Variants in NHSL2 observed in about 807,000 individuals in gnomAD.
NHSL2 encodes the protein NHS-like protein 2.
A neutral mutation model predicts 53.4 loss-of-function variants in NHSL2; 27 were observed. The ratio of observed to expected loss-of-function variants is 0.51; its 90% confidence interval spans 0.37 to 0.70. NHSL2 has a LOEUF of 0.70. NHSL2 is among the 30% of genes least tolerant of loss of function. The pLI is 0.00. For missense variants in NHSL2, 892 were observed against 980.1 expected, an observed-to-expected ratio of 0.91 and a Z score of 1.20; for synonymous variants, 408 against 404.1, an observed-to-expected ratio of 1.01 and a Z score of -0.12.
At position 72,115,565 on chromosome X, in the gene NHSL2, C is replaced by T. The variant is rs779633901; in HGVS notation, c.281-16514C>T. Among the ~76,000 whole-genome samples, 13 of 110,981 alleles carry T rather than the reference C, an allele frequency of 1.2e-4. No homozygotes were observed. In the South Asian group the frequency reaches 1.5e-3, roughly 13 times the overall value. On this transcript the variant is annotated intron_variant, in intron 1 of 7. Transcript: ENST00000633930. ...GACAGCACAGGCATTAATTCAGCAGCGGCCAGGGCAGCCTGACAGCCAGGA... is the reference window on the plus strand; with the variant it reads ...GACAGCACAGGCATTAATTCAGCAGTGGCCAGGGCAGCCTGACAGCCAGGA...
chrX:72,097,363 C>T (rs2041951738), intron 1 of NHSL2, among the ~76,000 whole-genome samples: 1 of 112,081 alleles, frequency 8.9e-6, no homozygotes, highest in Non-Finnish European at 1.9e-5. Context: ...AGGACCATGG[C>T]TGTCTCCTGA....
chrX:72,078,863 A>G (rs767887050), intron 1 of NHSL2, among the ~76,000 whole-genome samples: 8 of 112,421 alleles, frequency 7.1e-5, no homozygotes, highest in African/African-American at 2.3e-4. Context: ...GGGTCTCCAG[A>G]GACCCATGCA....
chrX:72,131,557 G>GC (rs765698555), intron 1 of NHSL2: 2 of 1,150,698 alleles, frequency 1.7e-6, no homozygotes, highest in South Asian at 4.1e-5. Context: ...AAGCCCAGGG[G>GC]CCCTGGGGCT....
chrX:72,138,173 G>A (rs895979068), intron 5 of NHSL2, among the ~76,000 whole-genome samples: 5 of 111,650 alleles, frequency 4.5e-5, no homozygotes, highest in African/African-American at 9.8e-5. Context: ...GTAATCCCAC[G>A]TGACACTTCA....
chrX:72,059,541 G>A lies in NHSL2; in HGVS notation c.281-72538G>A, dbSNP rs1054256086. Among the ~76,000 whole-genome samples the A allele has an allele frequency of 6.3e-5, 7 of 111,865 alleles. No homozygotes were observed. The South Asian group carries it at 1.5e-3, about 24-fold the overall frequency. On this transcript the variant is annotated intron_variant, in intron 1 of 7. Coordinates refer to ENST00000633930, the MANE Select transcript of NHSL2 (RefSeq NM_001013627.3). ...ATACCTTTATGCTGTTGCTCAAAAC[G>A]TCCTCTTTGCCTAGAATGTCCTCTC...
chrX:72,072,433 A>G (rs2041708475), intron 1 of NHSL2, among the ~76,000 whole-genome samples: 1 of 112,035 alleles, frequency 8.9e-6, no homozygotes, highest in African/African-American at 3.2e-5. Context: ...CACAACTTAG[A>G]GATCTTTCAT....
At chrX:72,005,363 G>A (rs942245761) in intron 1 of NHSL2, among the ~76,000 whole-genome samples, 5 of 112,397 alleles carry the variant, frequency 4.4e-5, no homozygotes, top group Non-Finnish European at 9.4e-5. Context: ...TAGAGTCCCT[G>A]CCTCATTGAG....
intron 1 of NHSL2, chrX:71,966,001 T>C (rs1446142448): frequency 8.9e-6 from 1 of 112,851 alleles, no homozygotes; most frequent in Non-Finnish European, 1.9e-5. Flanking sequence ...CAAATTTGCA[T>C]GTCATCCTTG....
At chrX:72,059,102 C>T (rs1027442859) in intron 1 of NHSL2, among the ~76,000 whole-genome samples, 3 of 111,234 alleles carry the variant, frequency 2.7e-5, no homozygotes, top group African/African-American at 9.8e-5. Context: ...AAACTGTGTC[C>T]CAGGCAAGCT....
rs142931176 is a variant in NHSL2 at position 71,968,725 on chromosome X, C to G, written c.280+57358C>G. Among the ~76,000 whole-genome samples, 548 of 112,146 alleles carry G rather than the reference C, an allele frequency of 4.9e-3. 2 individuals carry two copies. The highest frequency in any genetic ancestry group is 0.017 in the African/African-American group (529 of 30,875). On this transcript the variant is annotated intron_variant, in intron 1 of 7. Coordinates refer to ENST00000633930, the MANE Select transcript of NHSL2 (RefSeq NM_001013627.3). ...TTGTGTATAATCTCAGATAGAGGTC[C>G]TACTTTATTCCTTTGCATGTGGCTA...
intron 1 of NHSL2, among the ~76,000 whole-genome samples, chrX:71,938,889 CAGAGAG>C (rs1485364225): frequency 1.8e-5 from 2 of 112,730 alleles, no homozygotes; most frequent in African/African-American, 6.4e-5. Context: ...GGCAAGTGAA[CAGAGAG>C]GGCTTTGATA....
chrX:72,054,278 G>C (rs2042355973), intron 1 of NHSL2, among the ~76,000 whole-genome samples: 1 of 111,206 alleles, frequency 9.0e-6, no homozygotes, highest in Admixed American at 9.6e-5. Context: ...ATTGCTTTTT[G>C]ATTGGTGCAG....
intron 1 of NHSL2, among the ~76,000 whole-genome samples, chrX:72,061,840 G>A (rs1056998654): frequency 7.1e-5 from 8 of 111,964 alleles, no homozygotes; most frequent in Non-Finnish European, 1.1e-4. Context: ...CTCAGGCTCA[G>A]TTCTTAGCTC....
At chrX:72,055,393 C>T (rs987062423) in intron 1 of NHSL2, among the ~76,000 whole-genome samples, 1 of 112,341 alleles carries the variant, frequency 8.9e-6, no homozygotes, top group African/African-American at 3.2e-5. Flanking sequence ...GCCCAGAAAT[C>T]GATTGACCTC....
chrX:72,140,580 T>G lies in NHSL2; in HGVS notation c.3032T>G (p.Leu1011Arg). Residue 1011 changes from leucine (L) to arginine (R), a missense_variant, in exon 6 of 8, where the codon CTG (leucine) becomes CGG (arginine). Physicochemically the swap from Leu to Arg is moderately radical, Grantham distance 102. Transcript: ENST00000633930. ...CCCGTACCAAAAAAACCCAGCGTGCTGTACCTGCCTCTCACTTCTCCCACA... is the reference window on the plus strand; with the variant it reads ...CCCGTACCAAAAAAACCCAGCGTGCGGTACCTGCCTCTCACTTCTCCCACA... ...PPPVPKKPSV[L>R]YLPLTSPTAQ... 1.7e-6 allele frequency: 2 copies of G among 1,211,786 alleles called. No homozygotes were observed. Among genetic ancestry groups the G allele is most frequent in the Non-Finnish European group, 1.1e-6 (1 of 895,294 alleles).
In NHSL2 at chrX:72,144,483, A is replaced by G. The variant is rs189461938; in HGVS notation, c.*909A>G. 3.2e-5 allele frequency: 32 copies of G among 990,284 alleles called. No homozygotes were observed. In the African/African-American group the frequency reaches 4.0e-4, roughly 12 times the overall value. 81.6% of individuals were successfully genotyped at this position (990,284 alleles called of 1,213,427 possible). A position where few individuals can be genotyped will look rare whatever the true frequency, so the allele number is the denominator to read the frequency against. On this transcript the variant is annotated 3_prime_UTR_variant, in exon 8 of 8. Transcript: ENST00000633930. ...ATTTCATTTGCATATAAAATTCATT[A>G]CAGGAAGTAATTAACTGAAGGAACA...
rs765421356 is a variant in NHSL2 at position 71,994,804 on chromosome X, G to T, written c.280+83437G>T. On this transcript the variant is annotated intron_variant, in intron 1 of 7. Transcript: ENST00000633930. ...AGTGGGGCGAGACTGGTGATGGGGG[G>T]CCAGCCAGGGAGCTGTGTCCCCAGT... 3.6e-5 allele frequency among the ~76,000 whole-genome samples: 4 copies of T among 111,582 alleles called. No homozygotes were observed. In the South Asian group the frequency reaches 1.5e-3, roughly 42 times the overall value.
In NHSL2 at chrX:72,029,522, T is replaced by G. The variant is rs765042725; in HGVS notation, c.281-102557T>G. 4.4e-5 allele frequency among the ~76,000 whole-genome samples: 5 copies of G among 112,727 alleles called. No individual in the cohort carries two copies. The East Asian group carries it at 1.4e-3, about 31-fold the overall frequency. On this transcript the variant is annotated intron_variant, in intron 1 of 7. Transcript: ENST00000633930. ...CTATGACAGTAGCACTTTGCTAACTTATCCTTGTCCACCCTTCCAATCCCA... is the reference window on the plus strand; with the variant it reads ...CTATGACAGTAGCACTTTGCTAACTGATCCTTGTCCACCCTTCCAATCCCA...
intron 1 of NHSL2, among the ~76,000 whole-genome samples, chrX:72,021,350 C>T (rs936349448): frequency 8.9e-6 from 1 of 112,088 alleles, no homozygotes; most frequent in Admixed American, 9.4e-5. Context: ...GGTCCCTTTC[C>T]CTCCAGTTCA....
Sources: gnomAD v4.1 joint callset for allele counts (sites outside exome capture counted in the v4.1 genomes callset) on GRCh38, gnomAD v4.1.1 for gene constraint, MANE v1.5 for transcripts, NCBI Gene and HGNC (gene_info 2026-07-23, HGNC 2026-07-21) for gene names.